The following RELN variants were observed in gnomAD, a reference collection of about 807,000 sequenced individuals.
RELN encodes reelin.
Under a neutral mutation model 427.6 loss-of-function variants are expected in RELN, and 108 were observed. The ratio of observed to expected loss-of-function variants is 0.25; its 90% CI spans 0.22 to 0.30. The LOEUF (loss-of-function observed/expected upper bound fraction) is 0.30. Among genes scored for constraint, RELN ranks in the 10% least tolerant of loss-of-function variants. RELN has a pLI of 1.00. For missense variants in RELN, 3,715 were observed against 4,302.8 expected (o/e 0.86, Z 3.82); for synonymous variants, 1,524 against 1,513.4 (o/e 1.01, Z -0.16).
chr7:103,712,945 T>A (rs1789842726), intron 8 of RELN, among the ~76,000 whole-genome samples: 1 of 152,158 alleles, frequency 6.6e-6, no homozygotes, highest in South Asian at 2.1e-4. Context: ...TAAATCACAG[T>A]AGAATGCAAT....
intron 10 of RELN, 116 bp downstream of exon 10, chr7:103,697,737 C>T (rs760838270): frequency 3.4e-5 from 47 of 1,399,736 alleles, no homozygotes; most frequent in Non-Finnish European, 4.0e-5. Context: ...ATTATCTGGT[C>T]CTTTAATAGT....
chr7:103,475,249 T>G (rs1351624078), intron 64 of RELN, among the ~76,000 whole-genome samples: 1 of 152,052 alleles, frequency 6.6e-6, no homozygotes, highest in East Asian at 1.9e-4. Context: ...CTCATAGTGC[T>G]CATTTCCTGC....
intron 20 of RELN, among the ~76,000 whole-genome samples, chr7:103,627,236 T>A (rs1282133385): frequency 6.6e-6 from 1 of 152,134 alleles, no homozygotes; most frequent in African/African-American, 2.4e-5. Flanking sequence ...TACTTAAATA[T>A]GTTTAAATAA....
At chr7:103,636,144 AG>A in intron 18 of RELN, 90 bp downstream of exon 18, 1 of 907,308 alleles carries the variant, frequency 1.1e-6, no homozygotes, top group Non-Finnish European at 1.8e-6. Context: ...GATGTCTATC[AG>A]AAAAAATATA....
intron 64 of RELN, 140 bp from the exon 65 acceptor site, chr7:103,473,048 T>G (rs1221340998): frequency 1.3e-6 from 1 of 779,942 alleles, no homozygotes; most frequent in African/African-American, 1.7e-5. Context: ...TAGGTCATGC[T>G]CACATTACCA....
At position 103,632,474 on chromosome 7, in the gene RELN, A is replaced by G. The variant is rs145682346; in HGVS notation, c.2466-2298T>C. On this transcript the variant is annotated intron_variant, in intron 19 of 64. Transcript: ENST00000428762. ...TAATCTCTTTAAGATTAAGCAGACT[A>G]TAAGTGCTAATGCCAGGATTTGGAC... Among the ~76,000 whole-genome samples the G allele has an allele frequency of 3.6e-3, 556 of 152,346 alleles. 3 individuals carry two copies. Among genetic ancestry groups the G allele is most frequent in the African/African-American group, 0.013 (521 of 41,574 alleles).
At chr7:103,691,484 T>G (rs1021536656) in intron 10 of RELN, among the ~76,000 whole-genome samples, 2 of 152,188 alleles carry the variant, frequency 1.3e-5, no homozygotes, top group Non-Finnish European at 2.9e-5. Context: ...CACTACTCTG[T>G]GTATTCCCTT....
intron 2 of RELN, among the ~76,000 whole-genome samples, chr7:103,840,095 G>C (rs1489272292): frequency 2.6e-5 from 4 of 152,190 alleles, no homozygotes; most frequent in Non-Finnish European, 5.9e-5. Flanking sequence ...GCCTCCCCAG[G>C]AGAAGCCTGC....
rs1440506486 is a variant in RELN at position 103,777,596 on chromosome 7, C to T, written c.474-969G>A. Among the ~76,000 whole-genome samples, 5 of 152,132 alleles carry T rather than the reference C, an allele frequency of 3.3e-5. No individual in the cohort carries two copies. The East Asian group carries it at 9.6e-4, about 29-fold the overall frequency. On this transcript the variant is annotated intron_variant, in intron 3 of 64. Transcript: ENST00000428762. The stretch of plus-strand genomic sequence containing the variant: ...GCGAAGTTTAGCCTATGTATTCCCC[C>T]TTGATATGCGTGCCCTTCCTTCGGT...
At chr7:103,590,407 CAA>C (rs918238885) in intron 27 of RELN, among the ~76,000 whole-genome samples, 3 of 151,832 alleles carry the variant, frequency 2.0e-5, no homozygotes, top group African/African-American at 7.3e-5. Flanking sequence ...ACTAAAAATA[CAA>C]AAATTAGCCA....
At position 103,957,234 on chromosome 7, in the gene RELN, G is replaced by A. The variant is rs114040095; in HGVS notation, c.226+31897C>T. On this transcript the variant is annotated intron_variant, in intron 1 of 64. Coordinates refer to ENST00000428762, the MANE Select transcript of RELN (RefSeq NM_005045.4). ...TGAAAAAAGACGACTTTTTCAACTT[G>A]TCTCAGCACTCCAGAAGAAAATAAA... Among the ~76,000 whole-genome samples the A allele has an allele frequency of 7.1e-3, 1,081 of 152,198 alleles. 16 individuals are homozygous for A. The highest frequency in any genetic ancestry group is 0.025 in the African/African-American group (1,020 of 41,508).
In RELN at chr7:103,682,268, G is replaced by A. The variant is rs752732754; in HGVS notation, c.1144-7C>T. On this transcript the variant is annotated splice_polypyrimidine_tract_variant and splice_region_variant and intron_variant, in intron 10 of 64. Coordinates refer to ENST00000428762, the MANE Select transcript of RELN (RefSeq NM_005045.4). ...CATCTGACTGACAGCTATGCTGTAG[G>A]TGAAAAGAGAGCACGGGGTGGCTGT... 5.6e-6 allele frequency: 9 copies of A among 1,613,858 alleles called. No homozygotes were observed. Among genetic ancestry groups the A allele is most frequent in the Middle Eastern group, 1.6e-4 (1 of 6,082 alleles).
intron 11 of RELN, among the ~76,000 whole-genome samples, chr7:103,667,520 TGTTTC>T (rs1833296812): frequency 6.6e-6 from 1 of 152,212 alleles, no homozygotes. Flanking sequence ...CATGAAGATA[TGTTTC>T]TTTTCAGGAA....
Position 103,832,797 on chromosome 7 carries a change from C to T in RELN, c.473+740G>A, listed in dbSNP as rs112710346. Among the ~76,000 whole-genome samples the T allele has an allele frequency of 9.4e-3, 1,435 of 152,168 alleles. 32 individuals carry two copies. The highest frequency in any genetic ancestry group is 0.032 in the African/African-American group (1,325 of 41,512). On this transcript the variant is annotated intron_variant, in intron 3 of 64. Transcript: ENST00000428762. ...TTCTACAGAGTACCTGACTTCTGGC[C>T]ACCAGGAATTTCCTAAATGATCCCA... is the stretch of plus-strand genomic sequence containing the variant.
chr7:103,555,370 G>C (rs1456848563), intron 38 of RELN, among the ~76,000 whole-genome samples: 1 of 152,188 alleles, frequency 6.6e-6, no homozygotes, highest in Admixed American at 6.5e-5. Flanking sequence ...TGAAATCACA[G>C]GTCTCTATCT....
At chr7:103,732,430 T>A (rs1235152796) in intron 6 of RELN, among the ~76,000 whole-genome samples, 1 of 152,104 alleles carries the variant, frequency 6.6e-6, no homozygotes, top group Non-Finnish European at 1.5e-5. Flanking sequence ...ATTAAGGTGA[T>A]CTTCCTAATA....
chr7:103,796,366 A>G (rs1411989291), intron 3 of RELN, among the ~76,000 whole-genome samples: 1 of 152,182 alleles, frequency 6.6e-6, no homozygotes, highest in African/African-American at 2.4e-5. Flanking sequence ...TGCCTAATTC[A>G]AATTTCTGGA....
rs894141165 is a variant in RELN, at chr7:103,472,049, C to T, written c.*763G>A. The T allele has an allele frequency of 6.6e-6, 1 of 152,424 alleles. No individual in the cohort carries two copies. The highest frequency in any genetic ancestry group is 2.4e-5 in the African/African-American group (1 of 41,414). The allele number at this position is 152,424 out of a possible 1,614,324, so 9.4% of individuals were successfully genotyped here. A position where few individuals can be genotyped will look rare whatever the true frequency, so the allele number is the denominator to read the frequency against. On this transcript the variant is annotated 3_prime_UTR_variant, in exon 65 of 65. Coordinates refer to ENST00000428762, the MANE Select transcript of RELN (RefSeq NM_005045.4). ...AAAATGGCAGTTACTGTTAGTAAATCAGCCACAGAACACTTAAAAAAAGAT... is the reference window on the plus strand; with the variant it reads ...AAAATGGCAGTTACTGTTAGTAAATTAGCCACAGAACACTTAAAAAAAGAT...
At chr7:103,656,794 T>C (rs1347788217) in intron 12 of RELN, among the ~76,000 whole-genome samples, 1 of 152,058 alleles carries the variant, frequency 6.6e-6, no homozygotes, top group Non-Finnish European at 1.5e-5. Flanking sequence ...TAAAAATGCC[T>C]ACTTTTCATT....
Sources: allele counts gnomAD v4.1 joint callset (sites outside exome capture counted in the v4.1 genomes callset), GRCh38; gene constraint gnomAD v4.1.1; transcripts MANE v1.5; gene names NCBI Gene and HGNC (gene_info 2026-07-23, HGNC 2026-07-21).